Variants in PIP5K1C observed in about 807,000 individuals in gnomAD.
PIP5K1C encodes the protein phosphatidylinositol-4-phosphate 5-kinase type 1 gamma.
A neutral mutation model predicts 80.1 loss-of-function variants in PIP5K1C; 45 were observed. The observed-to-expected ratio is 0.56, with a 90% confidence interval of 0.44 to 0.72. The LOEUF is 0.72. Among genes scored for constraint, PIP5K1C ranks in the 30% least tolerant of loss-of-function variants. PIP5K1C has a pLI of 0.00. For synonymous variants in PIP5K1C, 498 were observed against 420.1 expected (o/e 1.19, Z -2.27); for missense variants, 753 against 954.6 (o/e 0.79, Z 2.78).
chr19:3,642,977 G>A, intron 13 of PIP5K1C, 38 bp from the exon 14 acceptor site: 10 of 1,611,706 alleles, frequency 6.2e-6, no homozygotes, highest in Non-Finnish European at 7.6e-6. Flanking sequence ...CCCAGAAAGA[G>A]AGTGGCCCGC....
In PIP5K1C at chr19:3,687,589, A is replaced by ACG. The variant is rs1363254392; in HGVS notation, c.94+12707_94+12708insCG. On this transcript the variant is annotated intron_variant, in intron 1 of 17. Transcript: ENST00000335312. ...CACATGCACACGCACACACATGCAG[A>ACG]TACACACATGCATACACGCACACAC... Among the ~76,000 whole-genome samples the ACG allele has an allele frequency of 7.9e-5, 12 of 152,016 alleles. 1 individual carries two copies. The highest frequency in any genetic ancestry group is 6.5e-5 in the Admixed American group (1 of 15,270).
intron 6 of PIP5K1C, 92 bp downstream of exon 6, chr19:3,656,313 T>C (rs2034630687): frequency 2.0e-6 from 3 of 1,475,540 alleles, no homozygotes; most frequent in Non-Finnish European, 2.8e-6. Context: ...CAAGGATGCC[T>C]GCTTGCCCAA....
chr19:3,643,681 C>T (rs548995686), intron 12 of PIP5K1C, among the ~76,000 whole-genome samples: 148 of 150,084 alleles, frequency 9.9e-4, no homozygotes, highest in Middle Eastern at 3.4e-3. Flanking sequence ...CTCCCCACCC[C>T]CCCTCCCTTC....
intron 16 of PIP5K1C, 92 bp from the exon 17 acceptor site, chr19:3,633,612 A>C: frequency 1.2e-6 from 1 of 867,082 alleles, no homozygotes; most frequent in South Asian, 3.4e-5. Context: ...AGACAGGAGA[A>C]CATAAAAGAG....
intron 1 of PIP5K1C, among the ~76,000 whole-genome samples, chr19:3,684,960 G>T (rs1251436002): frequency 1.3e-5 from 2 of 152,176 alleles, no homozygotes; most frequent in African/African-American, 2.4e-5. Flanking sequence ...ATGGGGGAGG[G>T]TCTCTTAATT....
chr19:3,667,679 C>A (rs2035058609), intron 1 of PIP5K1C, among the ~76,000 whole-genome samples: 1 of 152,122 alleles, frequency 6.6e-6, no homozygotes, highest in Non-Finnish European at 1.5e-5. Flanking sequence ...GGGGCTTGGA[C>A]CTGCCTGGAG....
intron 2 of PIP5K1C, among the ~76,000 whole-genome samples, 175 bp from the exon 3 acceptor site, chr19:3,665,089 G>A (rs931914642): frequency 3.3e-5 from 5 of 152,188 alleles, no homozygotes; most frequent in East Asian, 1.9e-4. Context: ...ACCCGTGGGC[G>A]CCTGGCGGGC....
At chr19:3,687,987 C>T (rs1271718910) in intron 1 of PIP5K1C, among the ~76,000 whole-genome samples, 1 of 152,204 alleles carries the variant, frequency 6.6e-6, no homozygotes, top group Non-Finnish European at 1.5e-5. Flanking sequence ...AGCTCCCGGG[C>T]GGGCCGGGGC....
chr19:3,674,583 G>A (rs575597539), intron 1 of PIP5K1C, among the ~76,000 whole-genome samples: 3 of 150,510 alleles, frequency 2.0e-5, no homozygotes, highest in African/African-American at 7.3e-5. Context: ...GCTCACTACA[G>A]CCTCCGCCTC....
intron 1 of PIP5K1C, among the ~76,000 whole-genome samples, chr19:3,691,869 C>A (rs2035960906): frequency 6.6e-6 from 1 of 152,180 alleles, no homozygotes; most frequent in South Asian, 2.1e-4. Flanking sequence ...TCTGGGATGG[C>A]CGGGAGAGTG....
At chr19:3,633,406 G>T in intron 17 of PIP5K1C, 31 bp downstream of exon 17, 3 of 1,396,792 alleles carry the variant, frequency 2.1e-6, no homozygotes, top group East Asian at 2.6e-5. Flanking sequence ...GGAGCCCACG[G>T]GACCGGCGGG....
chr19:3,664,156 C>T (rs1485334139), intron 3 of PIP5K1C, among the ~76,000 whole-genome samples: 2 of 152,172 alleles, frequency 1.3e-5, no homozygotes, highest in African/African-American at 2.4e-5. Context: ...TTCTATGACA[C>T]GTCCAGGACA....
intron 1 of PIP5K1C, among the ~76,000 whole-genome samples, chr19:3,671,842 T>G (rs941135314): frequency 6.6e-6 from 1 of 152,246 alleles, no homozygotes; most frequent in Non-Finnish European, 1.5e-5. Flanking sequence ...CATAGGGGGC[T>G]GTCATGACGG....
At chr19:3,638,664 G>A (rs2033810981) in intron 16 of PIP5K1C, among the ~76,000 whole-genome samples, 1 of 152,138 alleles carries the variant, frequency 6.6e-6, no homozygotes, top group Non-Finnish European at 1.5e-5. Context: ...CCCACCCCAT[G>A]GGGTTAGACC....
chr19:3,693,211 C>G (rs945630295), intron 1 of PIP5K1C, among the ~76,000 whole-genome samples: 1 of 152,178 alleles, frequency 6.6e-6, no homozygotes. Flanking sequence ...ACCCCACTCC[C>G]GGAAACCTTC....
intron 11 of PIP5K1C, 75 bp downstream of exon 11, chr19:3,645,899 A>C: frequency 1.7e-6 from 2 of 1,153,626 alleles, no homozygotes; most frequent in Non-Finnish European, 2.6e-6. Context: ...GGCCTCCCGC[A>C]GAGTCCCTCC....
At chr19:3,684,269 C>A (rs976854481) in intron 1 of PIP5K1C, among the ~76,000 whole-genome samples, 4 of 152,132 alleles carry the variant, frequency 2.6e-5, no homozygotes, top group South Asian at 2.1e-4. Context: ...AGCTCATTGC[C>A]GCCCCCTCAC....
chr19:3,668,051 T>C (rs2035072758), intron 1 of PIP5K1C, among the ~76,000 whole-genome samples: 1 of 151,338 alleles, frequency 6.6e-6, no homozygotes, highest in African/African-American at 2.4e-5. Context: ...AGCCCTGCCC[T>C]GGCTCCTGGG....
At chr19:3,658,343 G>T (rs907419370) in intron 5 of PIP5K1C, among the ~76,000 whole-genome samples, 11 of 152,354 alleles carry the variant, frequency 7.2e-5, no homozygotes, top group African/African-American at 2.6e-4. Context: ...AGAGCCGTGT[G>T]GGGTGGACTC....
Sources: gnomAD v4.1 joint callset for allele counts (sites outside exome capture counted in the v4.1 genomes callset) on GRCh38, gnomAD v4.1.1 for gene constraint, MANE v1.5 for transcripts, NCBI Gene and HGNC (gene_info 2026-07-23, HGNC 2026-07-21) for gene names.